The following AK4 variants were observed in gnomAD, a reference collection of about 807,000 sequenced individuals.
AK4 encodes the protein adenylate kinase 4, mitochondrial.
A neutral mutation model predicts 24.6 loss-of-function variants in AK4; 13 were observed. That is an observed-to-expected ratio of 0.53 (90% CI 0.34 to 0.84). The LOEUF is 0.84. AK4 is among the 40% of genes least tolerant of loss of function. AK4 has a pLI of 0.01. For missense variants in AK4, 192 were observed against 288.2 expected, an observed-to-expected ratio of 0.67 and a Z score of 2.42; for synonymous variants, 88 against 107.0, an observed-to-expected ratio of 0.82 and a Z score of 1.10.
At chr1:65,213,052 G>C (rs529966126) in intron 2 of AK4, among the ~76,000 whole-genome samples, 1 of 152,252 alleles carries the variant, frequency 6.6e-6, no homozygotes, top group South Asian at 2.1e-4. Flanking sequence ...CTAGAAAAGG[G>C]CACTCACTAC....
chr1:65,152,378 A>ATTTTTTTTTTT, intron 1 of AK4, among the ~76,000 whole-genome samples: 1 of 58,216 alleles, frequency 1.7e-5, no homozygotes, highest in Non-Finnish European at 3.3e-5. Flanking sequence ...ATATATATAT[A>ATTTTTTTTTTT]TATATATTTT....
At chr1:65,217,543 G>A (rs1284399077) in intron 2 of AK4, among the ~76,000 whole-genome samples, 2 of 152,162 alleles carry the variant, frequency 1.3e-5, no homozygotes, top group African/African-American at 4.8e-5. Flanking sequence ...GATCCAGCAA[G>A]ATTTTTGTCA....
chr1:65,162,713 TA>T (rs1182504465), intron 1 of AK4, among the ~76,000 whole-genome samples: 1 of 152,056 alleles, frequency 6.6e-6, no homozygotes, highest in East Asian at 1.9e-4. Flanking sequence ...GGTTTTCCTA[TA>T]TTTTACAGAG....
At position 65,226,442 on chromosome 1, in the gene AK4, A is replaced by T. The variant is rs947867749; in HGVS notation, c.*265A>T. 5.9e-6 allele frequency: 2 copies of T among 337,842 alleles called. No individual in the cohort carries two copies. The highest frequency in any genetic ancestry group is 4.5e-5 in the Admixed American group (1 of 22,186). 20.9% of individuals were successfully genotyped at this position (337,842 alleles called of 1,614,324 possible). On this transcript the variant is annotated 3_prime_UTR_variant, in exon 5 of 5. Transcript: ENST00000327299. The stretch of plus-strand genomic sequence containing the variant: ...TCACAAGAAAGCAAGTACAGTGTGG[A>T]TTTCAAATGGTGTGTAACTTCAGCT...
intron 1 of AK4, among the ~76,000 whole-genome samples, chr1:65,176,525 C>G (rs1011832273): frequency 6.6e-6 from 1 of 152,068 alleles, no homozygotes; most frequent in Non-Finnish European, 1.5e-5. Context: ...TTTCGCTGCC[C>G]GTGAATGCCG....
chr1:65,183,047 T>C (rs1650962166), intron 1 of AK4, among the ~76,000 whole-genome samples: 1 of 152,172 alleles, frequency 6.6e-6, no homozygotes. Context: ...TCATGCTAGA[T>C]TGATATAGGG....
intron 1 of AK4, among the ~76,000 whole-genome samples, chr1:65,180,245 C>T (rs895463904): frequency 6.6e-6 from 1 of 152,028 alleles, no homozygotes; most frequent in East Asian, 1.9e-4. Flanking sequence ...GTCAGAAGTT[C>T]GAGACCAGCC....
chr1:65,205,755 A>C (rs1651792311), intron 2 of AK4, among the ~76,000 whole-genome samples: 1 of 152,162 alleles, frequency 6.6e-6, no homozygotes, highest in African/African-American at 2.4e-5. Flanking sequence ...CTATTTCAAT[A>C]ATACTAGTTA....
At chr1:65,188,085 C>A (rs12409392) in intron 1 of AK4, among the ~76,000 whole-genome samples, 24 of 152,012 alleles carry the variant, frequency 1.6e-4, no homozygotes, top group Non-Finnish European at 2.4e-4. Context: ...GGCAAGGCTT[C>A]TACCTAAATT....
intron 1 of AK4, among the ~76,000 whole-genome samples, chr1:65,182,024 T>A (rs1650925595): frequency 6.6e-6 from 1 of 152,086 alleles, no homozygotes; most frequent in Admixed American, 6.6e-5. Flanking sequence ...CAAGTGATCC[T>A]CCCACTTCAA....
At position 65,197,860 on chromosome 1, in the gene AK4, G is replaced by T. The variant is rs370476844; in HGVS notation, c.265+7031G>T. Among the ~76,000 whole-genome samples the T allele has an allele frequency of 4.1e-3, 625 of 152,218 alleles. 2 individuals are homozygous for T. Among genetic ancestry groups the T allele is most frequent in the South Asian group, 9.2e-3 (44 of 4,804 alleles). On this transcript the variant is annotated intron_variant, in intron 2 of 4. Transcript: ENST00000327299. ...TGAGGAGTGTCACATCCCACTGGGCGACATATGTCTATAGAAAAAAGCCAA... is the reference window on the plus strand; with the variant it reads ...TGAGGAGTGTCACATCCCACTGGGCTACATATGTCTATAGAAAAAAGCCAA...
At chr1:65,195,355 A>AC (rs892944646) in intron 2 of AK4, among the ~76,000 whole-genome samples, 34 of 151,690 alleles carry the variant, frequency 2.2e-4, no homozygotes, top group African/African-American at 8.2e-4. Context: ...AAACTATAGC[A>AC]CCCCCCAGTG....
At chr1:65,187,681 T>C (rs1651149224) in intron 1 of AK4, among the ~76,000 whole-genome samples, 1 of 152,192 alleles carries the variant, frequency 6.6e-6, no homozygotes, top group Non-Finnish European at 1.5e-5. Context: ...TGAAATAACA[T>C]AAAGCACTTA....
intron 1 of AK4, among the ~76,000 whole-genome samples, chr1:65,161,442 C>T (rs532306668): frequency 8.5e-5 from 13 of 152,248 alleles, no homozygotes; most frequent in Admixed American, 8.5e-4. Flanking sequence ...GCATGGGGGT[C>T]ATAGACAAGG....
At chr1:65,176,358 G>C (rs531631448) in intron 1 of AK4, among the ~76,000 whole-genome samples, 1 of 152,186 alleles carries the variant, frequency 6.6e-6, no homozygotes, top group Non-Finnish European at 1.5e-5. Context: ...TCTGGCTAGA[G>C]AGAAAAGAGT....
At chr1:65,190,923 A>ATT (rs1651286083) in intron 2 of AK4, 94 bp downstream of exon 2, 7 of 1,409,786 alleles carry the variant, frequency 5.0e-6, no homozygotes, top group Non-Finnish European at 6.6e-6. Context: ...AAAATGCCTT[A>ATT]TTTTCTAAAC....
chr1:65,154,631 G>A (rs1189080662), intron 1 of AK4: 5 of 480,832 alleles, frequency 1.0e-5, no homozygotes, highest in Non-Finnish European at 2.1e-5. Context: ...AACGATATCA[G>A]TTTTATTAAG....
intron 3 of AK4, among the ~76,000 whole-genome samples, chr1:65,220,210 G>T (rs888880302): frequency 1.3e-5 from 2 of 152,170 alleles, no homozygotes; most frequent in South Asian, 4.1e-4. Flanking sequence ...GCAGAGTTTT[G>T]TGCAAAATGT....
chr1:65,203,296 T>C (rs1243460798), intron 2 of AK4, among the ~76,000 whole-genome samples: 1 of 152,190 alleles, frequency 6.6e-6, no homozygotes, highest in South Asian at 2.1e-4. Context: ...AGTGGAGTTC[T>C]GGAAAATAGG....
Sources: gnomAD v4.1 joint callset for allele counts (sites outside exome capture counted in the v4.1 genomes callset) on GRCh38, gnomAD v4.1.1 for gene constraint, MANE v1.5 for transcripts, NCBI Gene and HGNC (gene_info 2026-07-23, HGNC 2026-07-21) for gene names.